NBAS: variants seen among roughly 807,000 people sequenced by gnomAD.
NBAS encodes the protein NAG/BC035112 fusion.
A neutral mutation model predicts 302.5 loss-of-function variants in NBAS; 219 were observed. The ratio of observed to expected loss-of-function variants is 0.72; its 90% CI spans 0.65 to 0.81. The LOEUF is 0.81. Ranked by LOEUF, NBAS falls within the 30% of genes least tolerant of loss-of-function variation. The probability of loss-of-function intolerance (pLI) is 0.00; values close to 1 mark genes in which losing one functional copy is unlikely to be tolerated. For missense variants in NBAS, 2,932 were observed against 2,841.6 expected (o/e 1.03, Z -0.72); for synonymous variants, 1,118 against 1,021.6 (o/e 1.09, Z -1.80).
chr2:15,369,325 C>G (rs965777597), intron 31 of NBAS, among the ~76,000 whole-genome samples: 2 of 152,106 alleles, frequency 1.3e-5, no homozygotes, highest in African/African-American at 2.4e-5. Context: ...AGGTAGAGAA[C>G]TGAAACCACA....
At chr2:15,007,662 A>T in the NBAS span, among the ~76,000 whole-genome samples, 2 of 152,146 alleles carry the variant, frequency 1.3e-5, no homozygotes, top group African/African-American at 4.8e-5. Flanking sequence ...GGAAACTGTG[A>T]TTCTTTCTTT....
the NBAS span, among the ~76,000 whole-genome samples, chr2:14,810,334 G>A: frequency 6.6e-6 from 1 of 152,152 alleles, no homozygotes; most frequent in East Asian, 1.9e-4. Flanking sequence ...GGATGTAATC[G>A]AATCATGGGG....
intron 25 of NBAS, among the ~76,000 whole-genome samples, chr2:15,413,737 A>G (rs1676792399): frequency 6.6e-6 from 1 of 152,232 alleles, no homozygotes. Context: ...AGCAACGGTC[A>G]GTCACTGAAA....
intron 21 of NBAS, among the ~76,000 whole-genome samples, chr2:15,456,779 G>C (rs1679265600): frequency 6.6e-6 from 1 of 152,144 alleles, no homozygotes. Context: ...ATAAATGCTA[G>C]GAAGAAAATA....
At chr2:15,070,981 G>A in the NBAS span, among the ~76,000 whole-genome samples, 11 of 152,070 alleles carry the variant, frequency 7.2e-5, no homozygotes, top group African/African-American at 2.7e-4. Context: ...ACCCAGAGAG[G>A]AAAAGGACAC....
the NBAS span, among the ~76,000 whole-genome samples, chr2:15,045,995 T>C: frequency 6.6e-6 from 1 of 152,206 alleles, no homozygotes; most frequent in Non-Finnish European, 1.5e-5. Flanking sequence ...CTTTCACCAA[T>C]TAGTGAGCTC....
At chr2:15,103,707 A>T in the NBAS span, among the ~76,000 whole-genome samples, 2 of 152,150 alleles carry the variant, frequency 1.3e-5, no homozygotes, top group Non-Finnish European at 2.9e-5. Context: ...TGCGCCTAAG[A>T]GTTTTCTTTC....
At chr2:15,444,050 A>C (rs1173508156) in intron 21 of NBAS, among the ~76,000 whole-genome samples, 1 of 151,744 alleles carries the variant, frequency 6.6e-6, no homozygotes, top group Non-Finnish European at 1.5e-5. Flanking sequence ...GGTAGGAAGA[A>C]TCAATATTGT....
chr2:15,222,298 A>T (rs761616958), intron 47 of NBAS, among the ~76,000 whole-genome samples: 1 of 152,178 alleles, frequency 6.6e-6, no homozygotes, highest in Non-Finnish European at 1.5e-5. Context: ...AAGCTGTCTA[A>T]TTCAGGAAGA....
rs748141735 is a variant in NBAS at position 15,232,491 on chromosome 2, C to T, written c.6167G>A (p.Gly2056Asp). ...GACCTTCAGTGGGTCCCTTGGCCCA[C>T]CAAGGTCAGCACTGCCACCACTGTG... ...SALSGGSADL[G>D]GPRDPLKVLE... is the part of the protein sequence containing the mutation. The change falls in exon 47 of 52, where the codon GGT becomes GAT. Residue 2056 changes from glycine to aspartate, a missense_variant. By Grantham distance (94) the Gly-to-Asp change is moderately conservative. Transcript: ENST00000281513. 11 of 1,613,806 alleles carry T rather than the reference C, an allele frequency of 6.8e-6. No individual in the cohort carries two copies. The highest frequency in any genetic ancestry group is 3.3e-5 in the South Asian group (3 of 91,090).
intron 11 of NBAS, among the ~76,000 whole-genome samples, chr2:15,503,121 C>T (rs746193157): frequency 3.9e-5 from 6 of 152,128 alleles, no homozygotes; most frequent in Non-Finnish European, 5.9e-5. Flanking sequence ...CATCTTATCC[C>T]GCTGGAAGGT....
At chr2:15,393,589 T>C in intron 28 of NBAS, 1 of 348,624 alleles carries the variant, frequency 2.9e-6, no homozygotes. Flanking sequence ...TGCCATTTCA[T>C]CCTTAGGTAT....
At chr2:15,017,343 G>A in the NBAS span, among the ~76,000 whole-genome samples, 40 of 151,928 alleles carry the variant, frequency 2.6e-4, no homozygotes, top group East Asian at 2.5e-3. Flanking sequence ...AAAAAGCTTC[G>A]TCACAGCAAA....
chr2:15,541,137 G>T (rs1021834613), intron 6 of NBAS, among the ~76,000 whole-genome samples: 5 of 152,062 alleles, frequency 3.3e-5, no homozygotes, highest in Non-Finnish European at 7.4e-5. Flanking sequence ...CTTGAAAACT[G>T]GCTGCTCTGT....
At chr2:15,548,896 T>C (rs1192344892) in intron 6 of NBAS, among the ~76,000 whole-genome samples, 1 of 152,096 alleles carries the variant, frequency 6.6e-6, no homozygotes, top group Non-Finnish European at 1.5e-5. Flanking sequence ...TTGCACACTG[T>C]TTTGTACTAG....
chr2:14,820,889 C>A, the NBAS span, among the ~76,000 whole-genome samples: 1 of 152,004 alleles, frequency 6.6e-6, no homozygotes, highest in East Asian at 1.9e-4. Flanking sequence ...CGAGCAGCTT[C>A]TGTGAGGTCT....
the NBAS span, among the ~76,000 whole-genome samples, chr2:15,040,617 C>T: frequency 3.3e-5 from 5 of 152,202 alleles, no homozygotes; most frequent in Admixed American, 1.3e-4. Context: ...AGTTGGCCTG[C>T]ACCAAGCTCG....
chr2:15,507,312 T>C (rs918801108), intron 10 of NBAS, among the ~76,000 whole-genome samples: 1 of 103,438 alleles, frequency 9.7e-6, no homozygotes, highest in African/African-American at 3.6e-5. Context: ...TTCCTTCTGA[T>C]TACTTCTATT....
chr2:14,911,566 G>A, the NBAS span, among the ~76,000 whole-genome samples: 1 of 152,150 alleles, frequency 6.6e-6, no homozygotes, highest in African/African-American at 2.4e-5. Flanking sequence ...ATCTGCCACT[G>A]ACAACTGTCT....
Sources: gnomAD v4.1 joint callset for allele counts (sites outside exome capture counted in the v4.1 genomes callset) on GRCh38, gnomAD v4.1.1 for gene constraint, MANE v1.5 for transcripts, NCBI Gene and HGNC (gene_info 2026-07-23, HGNC 2026-07-21) for gene names.